Variants in WWC1 observed in about 807,000 individuals in gnomAD.
WWC1 encodes protein KIBRA.
WWC1 carries 55 observed loss-of-function variants against 138.4 expected under a neutral mutation model. That is an observed-to-expected ratio of 0.40 (90% CI 0.32 to 0.50). The LOEUF is 0.50. Ranked by LOEUF, WWC1 falls within the 20% of genes least tolerant of loss-of-function variation. WWC1 has a pLI of 0.72. For missense variants in WWC1, 1,226 were observed against 1,420.4 expected (o/e 0.86, Z 2.20); for synonymous variants, 524 against 564.9 (o/e 0.93, Z 1.03).
At chr5:168,372,022 CGAGAGAGAGAGA>C (rs10602598) in intron 2 of WWC1, among the ~76,000 whole-genome samples, 2 of 145,712 alleles carry the variant, frequency 1.4e-5, no homozygotes, top group Admixed American at 6.9e-5. Flanking sequence ...AGTGAATTGG[CGAGAGAGAGAGA>C]GAGAGAGAAA....
In WWC1 at chr5:168,431,429, T is replaced by G. The variant is rs3822658; in HGVS notation, c.2265T>G (p.His755Gln). 1 of 1,611,298 alleles carries G rather than the reference T, an allele frequency of 6.2e-7. No homozygotes were observed. The highest frequency in any genetic ancestry group is 1.1e-5 in the South Asian group (1 of 90,646). The part of the protein sequence containing the change: ...RVDVCTTDRS[H>Q]LEECLGGAQI... ...ATGTCTGTACCACCGACAGGAGCCA[T>G]CTGGAAGAGTGCCTGGTAAGGGCCG... Residue 755 changes from histidine (H) to glutamine (Q), a missense_variant, in exon 15 of 23, where the codon CAT becomes CAG. Around this residue, in one of 3 missense-constraint regions of WWC1, gnomAD observed 1,016 missense variants for 1,153.9 expected, o/e 0.88. Coordinates refer to ENST00000265293, the MANE Select transcript of WWC1 (RefSeq NM_015238.3).
rs1561743499 is a variant in WWC1, at chr5:168,423,162, A to AAAAAAAAAAAAAAAC, written c.1275-361_1275-360insAAAACAAAAAAAAAA. 1.2e-3 allele frequency among the ~76,000 whole-genome samples: 134 copies of AAAAAAAAAAAAAAAC among 108,782 alleles called. 1 individual carries two copies. The highest frequency in any genetic ancestry group is 2.0e-3 in the Non-Finnish European group (98 of 48,750). The allele number at this position is 108,782 out of a possible 152,430, so 71.4% of individuals were successfully genotyped here. ...TCCATCCCCCCCCAAAAAAAAAAAA[A>AAAAAAAAAAAAAAAC]AAAAAAAAAACACAGTGAGTTGATT... On this transcript the variant is annotated intron_variant, in intron 10 of 22. Coordinates refer to ENST00000265293, the MANE Select transcript of WWC1 (RefSeq NM_015238.3).
chr5:168,318,474 C>G (rs999144781), intron 1 of WWC1, among the ~76,000 whole-genome samples: 23 of 152,060 alleles, frequency 1.5e-4, no homozygotes, highest in Non-Finnish European at 3.2e-4. Flanking sequence ...CTGAAAACTT[C>G]TACTTTCTGT....
intron 2 of WWC1, among the ~76,000 whole-genome samples, chr5:168,372,053 TTGTGTG>T (rs10595228): frequency 0.23 from 32,683 of 141,164 alleles, 3,720 homozygotes; most frequent in South Asian, 0.43. Flanking sequence ...AAGAGTGTGT[TTGTGTG>T]TGTGTGTGTG....
At chr5:168,449,567 GCT>G (rs1318459668) in intron 17 of WWC1, among the ~76,000 whole-genome samples, 1,162 of 112,694 alleles carry the variant, frequency 0.01, 16 homozygotes, top group African/African-American at 0.034. Context: ...ATGTTTAACA[GCT>G]CTTTTTTTTT....
At chr5:168,298,944 G>T (rs1473419063) in intron 1 of WWC1, among the ~76,000 whole-genome samples, 1 of 152,186 alleles carries the variant, frequency 6.6e-6, no homozygotes, top group African/African-American at 2.4e-5. Flanking sequence ...TATTAGCCAG[G>T]TGTGGTGGCA....
chr5:168,418,165 A>G (rs1780795510), intron 9 of WWC1, among the ~76,000 whole-genome samples: 1 of 152,192 alleles, frequency 6.6e-6, no homozygotes. Context: ...GAGGACAGGA[A>G]TAGACACATC....
At chr5:168,405,024 T>C (rs1411002641) in intron 5 of WWC1, among the ~76,000 whole-genome samples, 1 of 152,150 alleles carries the variant, frequency 6.6e-6, no homozygotes, top group Non-Finnish European at 1.5e-5. Context: ...CATCACAAGA[T>C]TGCCCATCCC....
chr5:168,340,970 T>C (rs1773991886), intron 1 of WWC1, among the ~76,000 whole-genome samples: 1 of 152,208 alleles, frequency 6.6e-6, no homozygotes, highest in African/African-American at 2.4e-5. Flanking sequence ...TCAGGTAGTC[T>C]GCCTCCAAAG....
At chr5:168,340,086 T>C (rs992735614) in intron 1 of WWC1, among the ~76,000 whole-genome samples, 1 of 151,750 alleles carries the variant, frequency 6.6e-6, no homozygotes, top group Non-Finnish European at 1.5e-5. Flanking sequence ...CTCTCTCTCT[T>C]TCTTTCTTTT....
chr5:168,429,095 AGTGTGTTT>A (rs1234566646), intron 13 of WWC1, among the ~76,000 whole-genome samples: 1 of 152,080 alleles, frequency 6.6e-6, no homozygotes, highest in Non-Finnish European at 1.5e-5. Flanking sequence ...CCTGCCTCTC[AGTGTGTTT>A]GTTCATTGTT....
At chr5:168,334,501 C>T (rs1773296349) in intron 1 of WWC1, among the ~76,000 whole-genome samples, 1 of 152,154 alleles carries the variant, frequency 6.6e-6, no homozygotes, top group African/African-American at 2.4e-5. Flanking sequence ...TAATCACACT[C>T]ACTTGGGAAG....
chr5:168,316,065 C>T (rs945497518), intron 1 of WWC1, among the ~76,000 whole-genome samples: 1 of 152,216 alleles, frequency 6.6e-6, no homozygotes, highest in East Asian at 1.9e-4. Context: ...AGGCCTCCCC[C>T]CTCTTTTCAG....
intron 3 of WWC1, among the ~76,000 whole-genome samples, chr5:168,391,658 C>T (rs1307683260): frequency 1.2e-5 from 1 of 82,878 alleles, no homozygotes; most frequent in Admixed American, 1.3e-4. Context: ...CACTCCGTCT[C>T]AAAAAAAAAA....
chr5:168,346,308 G>A (rs895466379), intron 1 of WWC1, among the ~76,000 whole-genome samples: 1 of 152,200 alleles, frequency 6.6e-6, no homozygotes, highest in Admixed American at 6.5e-5. Context: ...CCCAGAGTGC[G>A]AGCCCAGTGT....
intron 8 of WWC1, 157 bp from the exon 9 acceptor site, chr5:168,414,187 GTGTT>G: frequency 9.4e-7 from 1 of 1,061,194 alleles, no homozygotes; most frequent in Middle Eastern, 3.2e-4. Context: ...GCACCCACAT[GTGTT>G]TGTTTAGAAA....
chr5:168,358,086 G>A (rs749493371), intron 1 of WWC1, among the ~76,000 whole-genome samples: 7 of 152,192 alleles, frequency 4.6e-5, no homozygotes, highest in Non-Finnish European at 1.0e-4. Context: ...ATGCTGGCTT[G>A]TGGTTTTCCA....
At chr5:168,365,843 C>T (rs1776249857) in intron 1 of WWC1, among the ~76,000 whole-genome samples, 1 of 152,244 alleles carries the variant, frequency 6.6e-6, no homozygotes, top group African/African-American at 2.4e-5. Context: ...TCGTTCTTGT[C>T]TGGCACCCTC....
chr5:168,342,783 A>G, intron 1 of WWC1, among the ~76,000 whole-genome samples: 1 of 152,164 alleles, frequency 6.6e-6, no homozygotes, highest in South Asian at 2.1e-4. Context: ...TCCACTGGAA[A>G]GTCTTGAGCA....
Sources: gnomAD v4.1 joint callset for allele counts (sites outside exome capture counted in the v4.1 genomes callset) on GRCh38, gnomAD v4.1.1 for gene constraint, gnomAD v4.1.1 regional missense constraint, MANE v1.5 for transcripts, NCBI Gene and HGNC (gene_info 2026-07-23, HGNC 2026-07-21) for gene names.